The following ATRNL1 variants were observed in gnomAD, a reference collection of about 807,000 sequenced individuals.
ATRNL1 encodes attractin like 1.
A neutral mutation model predicts 182.7 loss-of-function variants in ATRNL1; 95 were observed. The observed-to-expected ratio is 0.52, with a 90% CI of 0.44 to 0.62. ATRNL1 has a LOEUF of 0.62. ATRNL1 is among the 20% of genes least tolerant of loss of function. The pLI, the probability that ATRNL1 is intolerant of heterozygous loss-of-function variation, is 0.00. For missense variants in ATRNL1, 1,471 were observed against 1,679.5 expected, an observed-to-expected ratio of 0.88 and a Z score of 2.17; for synonymous variants, 576 against 568.3, an observed-to-expected ratio of 1.01 and a Z score of -0.19.
chr10:115,644,585 T>C (rs1385374329), intron 26 of ATRNL1, among the ~76,000 whole-genome samples: 1 of 152,186 alleles, frequency 6.6e-6, no homozygotes. Context: ...CAAATCCTCA[T>C]TTAGCCATTT....
At chr10:115,777,909 A>G (rs1285381009) in intron 27 of ATRNL1, among the ~76,000 whole-genome samples, 1 of 152,268 alleles carries the variant, frequency 6.6e-6, no homozygotes. Context: ...GAAAAAAATC[A>G]TTATAGCCTT....
chr10:115,876,609 A>G (rs782570438), intron 28 of ATRNL1, among the ~76,000 whole-genome samples: 54 of 152,320 alleles, frequency 3.5e-4, no homozygotes, highest in Admixed American at 6.5e-4. Flanking sequence ...AGGGATTCAT[A>G]TGTAAATAGA....
In ATRNL1 at chr10:115,715,478, T is replaced by TGGTGG. The variant is rs545709305; in HGVS notation, c.3796-11769_3796-11765dup. Among the ~76,000 whole-genome samples the TGGTGG allele has an allele frequency of 1.2e-4, 19 of 152,318 alleles. No homozygotes were observed. The East Asian group carries it at 3.5e-3, about 28-fold the overall frequency. On this transcript the variant is annotated intron_variant, in intron 26 of 28. Transcript: ENST00000355044. ...TATGAAAAAGCAATACTCATTCTTG[T>TGGTGG]GGTGGCTTTTATGATTTTTATTGAA...
At chr10:115,640,851 C>G (rs925707654) in intron 26 of ATRNL1, among the ~76,000 whole-genome samples, 1 of 152,090 alleles carries the variant, frequency 6.6e-6, no homozygotes, top group Non-Finnish European at 1.5e-5. Context: ...TTGCCCATGC[C>G]TATGTCCTGA....
chr10:115,418,417 A>T lies in ATRNL1; in HGVS notation c.3270-7833A>T, dbSNP rs532111837. Among the ~76,000 whole-genome samples the T allele has an allele frequency of 7.2e-5, 11 of 152,282 alleles. 1 individual carries two copies. Among genetic ancestry groups the T allele is most frequent in the African/African-American group, 2.4e-4 (10 of 41,564 alleles). The stretch of plus-strand genomic sequence containing the variant: ...GAACATAGTCAGAGGTGAAAGAACC[A>T]AAAGAATGAAAAGGGCCAAAGAAAG... On this transcript the variant is annotated intron_variant, in intron 20 of 28. Coordinates refer to ENST00000355044, the MANE Select transcript of ATRNL1 (RefSeq NM_207303.4).
At chr10:115,174,368 CTT>C (rs1554886345) in intron 8 of ATRNL1, among the ~76,000 whole-genome samples, 1 of 151,680 alleles carries the variant, frequency 6.6e-6, no homozygotes, top group African/African-American at 2.4e-5. Flanking sequence ...CAGGTTTTGA[CTT>C]TTGAAATTTT....
In ATRNL1 at chr10:115,455,621, C is replaced by A. The variant is rs144111257; in HGVS notation, c.3323-6320C>A. ...CACCAAAAGCAATTGCAACAAAAGC[C>A]AAAATTGACTAATGGGATCTAATTA... On this transcript the variant is annotated intron_variant, in intron 21 of 28. Coordinates refer to ENST00000355044, the MANE Select transcript of ATRNL1 (RefSeq NM_207303.4). Among the ~76,000 whole-genome samples, 474 of 152,224 alleles carry A rather than the reference C, an allele frequency of 3.1e-3. 4 individuals carry two copies. Among genetic ancestry groups the A allele is most frequent in the African/African-American group, 0.011 (456 of 41,562 alleles).
intron 26 of ATRNL1, among the ~76,000 whole-genome samples, chr10:115,561,367 T>C (rs2784801): frequency 0.3 from 45,024 of 152,020 alleles, 7,820 homozygotes; most frequent in East Asian, 0.68. Context: ...ATATATGCAG[T>C]TTGCCCTTTG....
At chr10:115,719,702 T>G (rs1367945385) in intron 26 of ATRNL1, among the ~76,000 whole-genome samples, 1 of 152,122 alleles carries the variant, frequency 6.6e-6, no homozygotes, top group East Asian at 1.9e-4. Context: ...ATTAGCATGA[T>G]CATCCCCCCG....
intron 20 of ATRNL1, among the ~76,000 whole-genome samples, chr10:115,406,222 T>A (rs1305815302): frequency 2.0e-5 from 3 of 152,324 alleles, no homozygotes; most frequent in Non-Finnish European, 4.4e-5. Flanking sequence ...ATGGGATGGC[T>A]GGGTCAAATG....
chr10:115,543,354 A>G (rs1239190142), intron 25 of ATRNL1, among the ~76,000 whole-genome samples: 3 of 152,016 alleles, frequency 2.0e-5, no homozygotes, highest in East Asian at 1.9e-4. Flanking sequence ...TTTAAGTTAG[A>G]AGTGTATTCT....
chr10:115,902,954 G>A (rs782228371), intron 28 of ATRNL1, among the ~76,000 whole-genome samples: 2 of 152,168 alleles, frequency 1.3e-5, no homozygotes, highest in Non-Finnish European at 2.9e-5. Flanking sequence ...GTGTCAAGCT[G>A]ATCTTTTGAC....
At chr10:115,151,525 G>C (rs1250279736) in intron 5 of ATRNL1, among the ~76,000 whole-genome samples, 2 of 152,150 alleles carry the variant, frequency 1.3e-5, no homozygotes, top group African/African-American at 4.8e-5. Flanking sequence ...GTCTTCTTTT[G>C]AGAAGTGTCT....
intron 26 of ATRNL1, among the ~76,000 whole-genome samples, chr10:115,611,145 G>A (rs1214119920): frequency 1.3e-5 from 2 of 151,176 alleles, no homozygotes; most frequent in Non-Finnish European, 2.9e-5. Flanking sequence ...TACCTCTGTG[G>A]GTATTGTTTA....
At chr10:115,227,159 T>C (rs1849734655) in intron 9 of ATRNL1, among the ~76,000 whole-genome samples, 2 of 152,218 alleles carry the variant, frequency 1.3e-5, no homozygotes, top group African/African-American at 4.8e-5. Flanking sequence ...GGAGAAGATA[T>C]TCTCAAACTG....
intron 10 of ATRNL1, among the ~76,000 whole-genome samples, chr10:115,252,402 G>A (rs955437050): frequency 6.6e-6 from 1 of 152,164 alleles, no homozygotes; most frequent in Non-Finnish European, 1.5e-5. Flanking sequence ...GATGAGTTAT[G>A]TTGATACCCA....
intron 24 of ATRNL1, among the ~76,000 whole-genome samples, chr10:115,489,738 T>C (rs1482718147): frequency 1.3e-5 from 2 of 152,202 alleles, no homozygotes; most frequent in African/African-American, 4.8e-5. Context: ...AAGGTTAATA[T>C]TGTTACATGT....
At chr10:115,209,979 A>G (rs1848957589) in intron 8 of ATRNL1, among the ~76,000 whole-genome samples, 3 of 151,982 alleles carry the variant, frequency 2.0e-5, no homozygotes, top group Non-Finnish European at 4.4e-5. Context: ...AGAAACATTG[A>G]GGTAGTACAA....
chr10:115,256,258 A>T (rs568894125), intron 10 of ATRNL1, among the ~76,000 whole-genome samples: 1 of 152,086 alleles, frequency 6.6e-6, no homozygotes, highest in African/African-American at 2.4e-5. Flanking sequence ...CTGTGAATCC[A>T]TCTGGTCCTG....
Sources: allele counts gnomAD v4.1 joint callset (sites outside exome capture counted in the v4.1 genomes callset), GRCh38; gene constraint gnomAD v4.1.1; transcripts MANE v1.5; gene names NCBI Gene and HGNC (gene_info 2026-07-23, HGNC 2026-07-21).